CHRNB3: variants seen among roughly 807,000 people sequenced by gnomAD.
CHRNB3 encodes cholinergic receptor nicotinic beta 3 subunit.
Under a neutral mutation model 40.6 loss-of-function variants are expected in CHRNB3, and 37 were observed. The ratio of observed to expected loss-of-function variants is 0.91; its 90% CI spans 0.70 to 1.20. CHRNB3 has a LOEUF of 1.20. CHRNB3 is among the 50% of genes most tolerant of loss of function. The pLI is 0.00. For synonymous variants in CHRNB3, 207 were observed against 207.1 expected, an observed-to-expected ratio of 1.00 and a Z score of 0.00; for missense variants, 505 against 551.2, an observed-to-expected ratio of 0.92 and a Z score of 0.84.
intron 1 of CHRNB3, 64 bp from the exon 2 acceptor site, chr8:42,708,653 G>A: frequency 6.4e-7 from 1 of 1,561,442 alleles, no homozygotes; most frequent in Non-Finnish European, 8.7e-7. Flanking sequence ...CAGGAGCCAT[G>A]GGACACTCAT....
At chr8:42,734,841 CT>C (rs1816493386) in intron 5 of CHRNB3, among the ~76,000 whole-genome samples, 2 of 152,130 alleles carry the variant, frequency 1.3e-5, no homozygotes, top group African/African-American at 2.4e-5. Context: ...TTTAAAAGCA[CT>C]AGAAAAGTGA....
At position 42,732,516 on chromosome 8, in the gene CHRNB3, G is replaced by A. The variant is rs4953; in HGVS notation, c.1209G>A (p.Ser403=). Residue 403 remains serine, a synonymous_variant, in exon 5 of 6, where the codon TCG becomes TCA. Coordinates refer to ENST00000289957, the MANE Select transcript of CHRNB3 (RefSeq NM_000749.5). ...CTGCTGATTCCATTAGATACATTTC[G>A]AGACATGTGAAGAAAGAACATTTTA... ...EKAADSIRYI[S]RHVKKEHFIS... The A allele has an allele frequency of 1.7e-5, 27 of 1,604,318 alleles. No homozygotes were observed. The Middle Eastern group carries it at 5.0e-4, about 30-fold the overall frequency.
chr8:42,723,151 A>T (rs1051344190), intron 3 of CHRNB3, among the ~76,000 whole-genome samples: 2 of 150,934 alleles, frequency 1.3e-5, no homozygotes, highest in African/African-American at 4.9e-5. Flanking sequence ...TATCGTAAGT[A>T]ATAGGATACC....
chr8:42,716,729 T>G (rs907318414), intron 3 of CHRNB3, among the ~76,000 whole-genome samples: 4 of 152,042 alleles, frequency 2.6e-5, no homozygotes, highest in Admixed American at 2.0e-4. Flanking sequence ...GAAAGCCGCC[T>G]CTGCCCGACC....
chr8:42,731,996 G>C lies in CHRNB3; in HGVS notation c.689G>C (p.Arg230Thr). 1.2e-6 allele frequency: 2 copies of C among 1,614,078 alleles called. No individual in the cohort carries two copies. The highest frequency in any genetic ancestry group is 1.7e-6 in the Non-Finnish European group (2 of 1,180,014). Reference protein sequence around the residue: ...YPFITYSFVLRRLPLFYTLFL... With the variant: ...YPFITYSFVLTRLPLFYTLFL... ...TTTATCACGTATTCCTTCGTCCTGA[G>C]ACGCCTGCCTTTATTCTATACCCTC... is the stretch of plus-strand genomic sequence containing the variant. Residue 230 changes from arginine to threonine, a missense_variant, in exon 5 of 6, where the codon AGA (arginine) becomes ACA (threonine). By Grantham distance (71) the Arg-to-Thr change is moderately conservative. Coordinates refer to ENST00000289957, the MANE Select transcript of CHRNB3 (RefSeq NM_000749.5).
At position 42,731,709 on chromosome 8, in the gene CHRNB3, C is replaced by T. The variant is rs768194990; in HGVS notation, c.402C>T (p.Ile134=). The change falls in exon 5 of 6, where the codon ATC becomes ATT. Residue 134 remains isoleucine, a synonymous_variant. Transcript: ENST00000289957. ...AAGGCTCCCTGATGACCAAGGTCAT[C>T]GTGAAATCAAACGGAACTGTTGTCT... is the stretch of plus-strand genomic sequence containing the variant. ...RFEGSLMTKV[I]VKSNGTVVWT... The T allele has an allele frequency of 9.3e-6, 15 of 1,613,450 alleles. No individual in the cohort carries two copies. In the Admixed American group the frequency reaches 1.0e-4, roughly 11 times the overall value.
At chr8:42,723,070 G>A (rs569501802) in intron 3 of CHRNB3, among the ~76,000 whole-genome samples, 2 of 129,090 alleles carry the variant, frequency 1.5e-5, no homozygotes, top group East Asian at 2.0e-4. Flanking sequence ...TATCGTAATA[G>A]GATATCCTAT....
chr8:42,734,719 A>G (rs1816491851), intron 5 of CHRNB3, among the ~76,000 whole-genome samples: 1 of 151,540 alleles, frequency 6.6e-6, no homozygotes, highest in South Asian at 2.1e-4. Flanking sequence ...GCACCTGGCC[A>G]AGAATTTTTT....
chr8:42,702,027 A>G (rs1563605811), intron 1 of CHRNB3, among the ~76,000 whole-genome samples: 1 of 152,198 alleles, frequency 6.6e-6, no homozygotes, highest in Non-Finnish European at 1.5e-5. Context: ...TCATTATTAA[A>G]TAAATATTTG....
chr8:42,720,484 C>T (rs1816203602), intron 3 of CHRNB3, among the ~76,000 whole-genome samples: 1 of 152,058 alleles, frequency 6.6e-6, no homozygotes, highest in Non-Finnish European at 1.5e-5. Context: ...CCTGTCTACT[C>T]CACTGTTCTG....
intron 3 of CHRNB3, chr8:42,725,621 C>G (rs1816296093): frequency 8.7e-7 from 1 of 1,154,592 alleles, no homozygotes; most frequent in African/African-American, 1.5e-5. Flanking sequence ...AGGAAGCCCA[C>G]TCTATTTTTG....
At chr8:42,701,226 C>A (rs1384409491) in intron 1 of CHRNB3, among the ~76,000 whole-genome samples, 33 of 71,470 alleles carry the variant, frequency 4.6e-4, no homozygotes, top group Admixed American at 1.0e-3. Flanking sequence ...GACTCTGTCT[C>A]AAAAAAAAAA....
At chr8:42,710,466 A>G (rs1287937151) in intron 3 of CHRNB3, 32 bp downstream of exon 3, 1 of 1,554,006 alleles carries the variant, frequency 6.4e-7, no homozygotes, top group East Asian at 2.2e-5. Context: ...GTGTCTGCTA[A>G]CCCAGTCACT....
intron 1 of CHRNB3, among the ~76,000 whole-genome samples, chr8:42,701,471 G>C (rs1413387981): frequency 6.6e-6 from 1 of 152,074 alleles, no homozygotes; most frequent in African/African-American, 2.4e-5. Flanking sequence ...ATGAGCCCAG[G>C]AGGTTGAGGC....
Position 42,732,214 on chromosome 8 carries a change from A to G in CHRNB3, c.907A>G (p.Ile303Val), listed in dbSNP as rs763766498. 1.9e-5 allele frequency: 31 copies of G among 1,609,868 alleles called. No individual in the cohort carries two copies. The Admixed American group carries it at 4.6e-4, about 24-fold the overall frequency. ...TCTCATTGGAGAGTACCTGCTGTTC[A>G]TCATGATTTTTGTGACCCTGTCCAT... ...IPLIGEYLLF[I>V]MIFVTLSIIV... Residue 303 changes from isoleucine to valine, a missense_variant, in exon 5 of 6, where the codon ATC becomes GTC. Transcript: ENST00000289957.
At chr8:42,724,824 CAA>C (rs71231865) in intron 3 of CHRNB3, among the ~76,000 whole-genome samples, 4 of 151,576 alleles carry the variant, frequency 2.6e-5, no homozygotes, top group Admixed American at 2.6e-4. Context: ...ACTAAAAATA[CAA>C]AAAAAATTAG....
intron 1 of CHRNB3, among the ~76,000 whole-genome samples, chr8:42,701,372 C>T (rs768403940): frequency 2.6e-5 from 4 of 151,790 alleles, no homozygotes; most frequent in Non-Finnish European, 5.9e-5. Flanking sequence ...GAGAGACATA[C>T]GTCTCTACAA....
Position 42,708,498 on chromosome 8 carries a change from A to ACACACACAC in CHRNB3, c.53-219_53-218insCACACACAC, listed in dbSNP as rs59049088. ...ATACACACACACACACACACACACA[A>ACACACACAC]ACAAAATGTGGATTCTGTTTTCAGC... On this transcript the variant is annotated intron_variant, in intron 1 of 5. Transcript: ENST00000289957. Among the ~76,000 whole-genome samples the ACACACACAC allele has an allele frequency of 7.1e-3, 496 of 70,068 alleles. 2 individuals are homozygous for ACACACACAC. The highest frequency in any genetic ancestry group is 0.016 in the African/African-American group (480 of 29,658). The allele number at this position is 70,068 out of a possible 152,430, so 46.0% of individuals were successfully genotyped here. A position where few individuals can be genotyped will look rare whatever the true frequency, so the allele number is the denominator to read the frequency against.
At chr8:42,720,395 T>C (rs1243961414) in intron 3 of CHRNB3, among the ~76,000 whole-genome samples, 1 of 152,062 alleles carries the variant, frequency 6.6e-6, no homozygotes, top group Non-Finnish European at 1.5e-5. Flanking sequence ...ATTACAGGCA[T>C]GAGCCACCGC....
Sources: allele counts gnomAD v4.1 joint callset (sites outside exome capture counted in the v4.1 genomes callset), GRCh38; gene constraint gnomAD v4.1.1; transcripts MANE v1.5; gene names NCBI Gene and HGNC (gene_info 2026-07-23, HGNC 2026-07-21).